GABRB2: variants seen among roughly 807,000 people sequenced by gnomAD.
The protein encoded by GABRB2 is gamma-aminobutyric acid type A receptor subunit beta2.
A neutral mutation model predicts 54.7 loss-of-function variants in GABRB2; 16 were observed. The ratio of observed to expected loss-of-function variants is 0.29; its 90% confidence interval spans 0.20 to 0.44. The LOEUF is 0.44. GABRB2 is among the 20% of genes least tolerant of loss of function. The probability of loss-of-function intolerance (pLI) is 1.00; values close to 1 mark genes in which losing one functional copy is unlikely to be tolerated. For synonymous variants in GABRB2, 244 were observed against 233.8 expected (o/e 1.04, Z -0.40); for missense variants, 355 against 644.0 (o/e 0.55, Z 4.86).
chr5:161,518,280 A>G (rs1271951724), intron 3 of GABRB2, among the ~76,000 whole-genome samples: 1 of 152,104 alleles, frequency 6.6e-6, no homozygotes, highest in African/African-American at 2.4e-5. Flanking sequence ...TTTTTCAGAA[A>G]CCCTGAGCTA....
chr5:161,493,807 A>T (rs1759147240), intron 3 of GABRB2, among the ~76,000 whole-genome samples: 1 of 151,730 alleles, frequency 6.6e-6, no homozygotes, highest in African/African-American at 2.4e-5. Context: ...AACTTCATGG[A>T]CTATCTTTTT....
At chr5:161,456,610 C>G (rs901518257) in intron 4 of GABRB2, among the ~76,000 whole-genome samples, 13 of 152,126 alleles carry the variant, frequency 8.5e-5, no homozygotes, top group Non-Finnish European at 2.9e-5. Flanking sequence ...GTAATTTTGT[C>G]AGCAAGTTCC....
At chr5:161,486,281 C>T (rs1758918935) in intron 3 of GABRB2, among the ~76,000 whole-genome samples, 1 of 151,944 alleles carries the variant, frequency 6.6e-6, no homozygotes, top group Non-Finnish European at 1.5e-5. Context: ...TACCAGATCA[C>T]TTGTTTGGAA....
rs1174018658 is a variant in GABRB2, at chr5:161,334,648, T to C, written c.832+104A>G. 8.6e-6 allele frequency: 10 copies of C among 1,167,268 alleles called. No individual in the cohort carries two copies. In the East Asian group the frequency reaches 9.5e-5, roughly 11 times the overall value. 72.3% of individuals were successfully genotyped at this position (1,167,268 alleles called of 1,614,324 possible). ...AACTCTTACAGTGTGAGAGGTTCAG[T>C]TGCGTCATGCACCACAAATTTCAGG... is the stretch of plus-strand genomic sequence containing the variant. On this transcript the variant is annotated intron_variant, in intron 7 of 9. Transcript: ENST00000393959.
chr5:161,520,312 A>C (rs1035434127), intron 3 of GABRB2, among the ~76,000 whole-genome samples: 1 of 152,126 alleles, frequency 6.6e-6, no homozygotes, highest in South Asian at 2.1e-4. Context: ...ACTGATACTC[A>C]GTTCTTCCAT....
At chr5:161,432,895 T>C (rs1409347301) in intron 4 of GABRB2, among the ~76,000 whole-genome samples, 1 of 152,206 alleles carries the variant, frequency 6.6e-6, no homozygotes, top group African/African-American at 2.4e-5. Flanking sequence ...ATTTTGTGTC[T>C]GGCTGTTTTT....
chr5:161,396,223 C>T (rs1252771211), intron 5 of GABRB2, among the ~76,000 whole-genome samples: 3 of 152,120 alleles, frequency 2.0e-5, no homozygotes, highest in South Asian at 2.1e-4. Context: ...CCACACTGAG[C>T]CCAAGTAAAC....
intron 5 of GABRB2, among the ~76,000 whole-genome samples, chr5:161,391,927 C>T (rs1755835948): frequency 6.6e-6 from 1 of 152,192 alleles, no homozygotes; most frequent in Non-Finnish European, 1.5e-5. Flanking sequence ...GGAGCATTTC[C>T]TAGCCCTGTA....
At chr5:161,470,392 A>T (rs1367877134) in intron 3 of GABRB2, among the ~76,000 whole-genome samples, 1 of 152,036 alleles carries the variant, frequency 6.6e-6, no homozygotes, top group African/African-American at 2.4e-5. Context: ...CTATGTAAAC[A>T]TACCCAAGAT....
At chr5:161,408,343 G>T (rs538482271) in intron 5 of GABRB2, among the ~76,000 whole-genome samples, 3 of 152,164 alleles carry the variant, frequency 2.0e-5, no homozygotes, top group Non-Finnish European at 4.4e-5. Context: ...AAGCATGTCA[G>T]ATTTGCGATA....
At chr5:161,312,766 T>G (rs1757908882) in intron 9 of GABRB2, among the ~76,000 whole-genome samples, 1 of 152,312 alleles carries the variant, frequency 6.6e-6, no homozygotes, top group Middle Eastern at 3.4e-3. Flanking sequence ...AAATTCTGAT[T>G]CAGCAAATCC....
intron 4 of GABRB2, 92 bp downstream of exon 4, chr5:161,459,532 A>G: frequency 9.3e-7 from 1 of 1,078,504 alleles, no homozygotes; most frequent in South Asian, 1.4e-5. Context: ...AATTGAAGAA[A>G]GATAAGGAAA....
At chr5:161,331,884 G>T (rs1753853906) in intron 7 of GABRB2, among the ~76,000 whole-genome samples, 1 of 152,014 alleles carries the variant, frequency 6.6e-6, no homozygotes, top group African/African-American at 2.4e-5. Flanking sequence ...AATGCCAGTT[G>T]GCCGGGCGCG....
chr5:161,347,148 T>C (rs1754341330), intron 5 of GABRB2, among the ~76,000 whole-genome samples: 2 of 152,146 alleles, frequency 1.3e-5, no homozygotes, highest in South Asian at 4.1e-4. Context: ...CTAAAGCATT[T>C]CTTGTGTGAA....
intron 6 of GABRB2, 95 bp downstream of exon 6, chr5:161,336,537 G>A (rs1413538908): frequency 1.5e-6 from 2 of 1,373,612 alleles, no homozygotes; most frequent in Non-Finnish European, 2.0e-6. Flanking sequence ...GTAAAGTCAT[G>A]GTGCTTCCCT....
At chr5:161,473,587 T>A (rs1259242022) in intron 3 of GABRB2, among the ~76,000 whole-genome samples, 1 of 152,024 alleles carries the variant, frequency 6.6e-6, no homozygotes, top group Non-Finnish European at 1.5e-5. Flanking sequence ...TTGATCTCAC[T>A]TAAAAATTAA....
intron 3 of GABRB2, among the ~76,000 whole-genome samples, chr5:161,488,226 T>C (rs941592744): frequency 9.0e-5 from 12 of 133,180 alleles, no homozygotes; most frequent in African/African-American, 3.3e-4. Flanking sequence ...GTTTTGCTTT[T>C]AGTTTTTTTT....
intron 3 of GABRB2, among the ~76,000 whole-genome samples, chr5:161,485,286 G>T (rs1050144223): frequency 1.3e-5 from 2 of 151,790 alleles, no homozygotes; most frequent in East Asian, 3.9e-4. Context: ...TTTCTAATTT[G>T]CTATTTCCCC....
chr5:161,476,788 A>T (rs1219442137), intron 3 of GABRB2, among the ~76,000 whole-genome samples: 5 of 151,906 alleles, frequency 3.3e-5, no homozygotes, highest in Non-Finnish European at 5.9e-5. Flanking sequence ...ATAAAAATTA[A>T]CCCAAAATGG....
Sources: allele counts gnomAD v4.1 joint callset (sites outside exome capture counted in the v4.1 genomes callset), GRCh38; gene constraint gnomAD v4.1.1; transcripts MANE v1.5; gene names NCBI Gene and HGNC (gene_info 2026-07-23, HGNC 2026-07-21).